The following GRM1 variants were observed in gnomAD, a reference collection of about 807,000 sequenced individuals.
GRM1 encodes glutamate metabotropic receptor 1, also known as metabotropic glutamate receptor 1.
In GRM1, 33 loss-of-function variants were observed where a neutral mutation model predicts 90.9. The ratio of observed to expected loss-of-function variants is 0.36; its 90% confidence interval spans 0.28 to 0.49. The LOEUF (loss-of-function observed/expected upper bound fraction) is 0.49, where lower values mean the gene tolerates loss of function less well. Among genes scored for constraint, GRM1 ranks in the 20% least tolerant of loss-of-function variants. GRM1 has a pLI of 0.99. For missense variants in GRM1, 1,190 were observed against 1,534.3 expected (o/e 0.78, Z 3.75); for synonymous variants, 700 against 613.2 (o/e 1.14, Z -2.09).
At chr6:146,310,814 G>A (rs1195087956) in intron 3 of GRM1, among the ~76,000 whole-genome samples, 1 of 152,124 alleles carries the variant, frequency 6.6e-6, no homozygotes, top group African/African-American at 2.4e-5. Context: ...CCAGTCCCTG[G>A]CCAACCCACC....
chr6:146,177,505 C>G (rs575873289), intron 2 of GRM1, among the ~76,000 whole-genome samples: 7 of 152,044 alleles, frequency 4.6e-5, no homozygotes, highest in Admixed American at 2.0e-4. Flanking sequence ...TTCTTAAATT[C>G]CTGGCATTCA....
chr6:146,406,169 C>T (rs775468637), intron 7 of GRM1, among the ~76,000 whole-genome samples: 4 of 152,004 alleles, frequency 2.6e-5, no homozygotes, highest in African/African-American at 2.4e-5. Context: ...TGGTGTGTGC[C>T]GGGAGGCCTG....
In GRM1 at chr6:146,434,377, G is replaced by C. The variant is rs764076166; in HGVS notation, c.3166G>C (p.Gly1056Arg). 3.7e-6 allele frequency: 6 copies of C among 1,613,174 alleles called. No homozygotes were observed. The highest frequency in any genetic ancestry group is 2.2e-5 in the East Asian group (1 of 44,862). Residue 1056 changes from glycine to arginine, a missense_variant, in exon 8 of 8, where the codon GGT (glycine) becomes CGT (arginine). Physicochemically the swap from Gly to Arg is moderately radical, Grantham distance 125. Transcript: ENST00000282753. ...PDFHAVLAGPGGPGNGLRSLY... is the reference protein window; with the variant it reads ...PDFHAVLAGPRGPGNGLRSLY... ...TTTTCACGCGGTGCTGGCAGGCCCCGGTGGTCCCGGGAACGGGCTGCGGTC... is the reference window on the plus strand; with the variant it reads ...TTTTCACGCGGTGCTGGCAGGCCCCCGTGGTCCCGGGAACGGGCTGCGGTC...
chr6:146,232,344 G>T (rs1189043647), intron 2 of GRM1, among the ~76,000 whole-genome samples: 1 of 151,892 alleles, frequency 6.6e-6, no homozygotes, highest in Non-Finnish European at 1.5e-5. Flanking sequence ...CTTAGTCCAG[G>T]TAGTTTATGT....
chr6:146,358,521 C>T (rs994562491), intron 5 of GRM1, among the ~76,000 whole-genome samples: 2 of 152,144 alleles, frequency 1.3e-5, no homozygotes, highest in Non-Finnish European at 2.9e-5. Flanking sequence ...CAGGCTGTCA[C>T]GTAAATGTCT....
intron 3 of GRM1, among the ~76,000 whole-genome samples, chr6:146,337,806 A>G (rs796930061): frequency 2.6e-5 from 4 of 152,370 alleles, no homozygotes; most frequent in African/African-American, 7.2e-5. Context: ...ATGAGGCCAC[A>G]AACAGGAATA....
intron 7 of GRM1, among the ~76,000 whole-genome samples, chr6:146,402,781 G>A (rs1777205080): frequency 1.3e-5 from 2 of 152,140 alleles, no homozygotes; most frequent in Non-Finnish European, 1.5e-5. Flanking sequence ...ATGTTGCGTT[G>A]TCTGTTTTTA....
chr6:146,137,160 C>A (rs986458639), intron 1 of GRM1, among the ~76,000 whole-genome samples: 2 of 152,060 alleles, frequency 1.3e-5, no homozygotes, highest in Non-Finnish European at 2.9e-5. Context: ...GCCGCAGAAG[C>A]TTTTTAAGTT....
At chr6:146,404,536 G>T (rs1156528032) in intron 7 of GRM1, among the ~76,000 whole-genome samples, 1 of 152,176 alleles carries the variant, frequency 6.6e-6, no homozygotes, top group African/African-American at 2.4e-5. Context: ...AGTAAAAGTA[G>T]CATTTGAACT....
chr6:146,127,442 C>A (rs1776237756), intron 1 of GRM1, among the ~76,000 whole-genome samples: 1 of 152,130 alleles, frequency 6.6e-6, no homozygotes, highest in South Asian at 2.1e-4. Context: ...AGAAAGTAAT[C>A]AGAAAGGCCT....
At chr6:146,168,147 A>G (rs921816007) in intron 2 of GRM1, among the ~76,000 whole-genome samples, 4 of 152,000 alleles carry the variant, frequency 2.6e-5, no homozygotes, top group African/African-American at 9.7e-5. Flanking sequence ...AATTAACTTG[A>G]CATTTTGTTA....
Position 146,029,866 on chromosome 6 carries a change from G to C in GRM1, c.349G>C (p.Glu117Gln). The change falls in exon 1 of 8, where the codon GAA becomes CAA. Residue 117 changes from glutamate (E) to glutamine (Q), a missense_variant. Physicochemically the swap from Glu to Gln is conservative, Grantham distance 29. Transcript: ENST00000282753. ...CTGCTGGCACTCTTCCGTGGCTCTGGAACAGAGCATTGAGTTCATTAGGGA... is the reference window on the plus strand; with the variant it reads ...CTGCTGGCACTCTTCCGTGGCTCTGCAACAGAGCATTGAGTTCATTAGGGA... ...DSCWHSSVAL[E>Q]QSIEFIRDSL... 1 of 1,613,990 alleles carries C rather than the reference G, an allele frequency of 6.2e-7. No individual in the cohort carries two copies. The highest frequency in any genetic ancestry group is 8.5e-7 in the Non-Finnish European group (1 of 1,179,868).
chr6:146,252,341 T>A (rs1407304434), intron 2 of GRM1, among the ~76,000 whole-genome samples: 1 of 152,158 alleles, frequency 6.6e-6, no homozygotes, highest in African/African-American at 2.4e-5. Context: ...AAACTAGGGT[T>A]TTAAGGATAA....
intron 7 of GRM1, among the ~76,000 whole-genome samples, chr6:146,406,879 GAGA>G (rs1049002314): frequency 2.6e-5 from 4 of 151,972 alleles, no homozygotes; most frequent in Non-Finnish European, 4.4e-5. Flanking sequence ...AAAGGAGAAG[GAGA>G]AGAAGAAGAA....
chr6:146,429,653 G>C (rs548857480), intron 7 of GRM1, among the ~76,000 whole-genome samples: 3 of 152,252 alleles, frequency 2.0e-5, no homozygotes, highest in South Asian at 4.1e-4. Context: ...CCCCTTCCTT[G>C]ACAGGCCTCA....
At chr6:146,184,737 A>G (rs905463017) in intron 2 of GRM1, among the ~76,000 whole-genome samples, 3 of 152,116 alleles carry the variant, frequency 2.0e-5, no homozygotes, top group South Asian at 2.1e-4. Context: ...ATATCATCTC[A>G]GGTGTGTGGG....
At chr6:146,249,024 A>G (rs1397637366) in intron 2 of GRM1, among the ~76,000 whole-genome samples, 1 of 152,200 alleles carries the variant, frequency 6.6e-6, no homozygotes, top group East Asian at 1.9e-4. Flanking sequence ...CTAAGCAACA[A>G]AGCATTCAAG....
intron 5 of GRM1, among the ~76,000 whole-genome samples, chr6:146,385,547 C>A (rs1379133920): frequency 1.3e-5 from 2 of 151,818 alleles, no homozygotes; most frequent in East Asian, 1.9e-4. Flanking sequence ...GCTGGCATGG[C>A]TGTAAATGTT....
chr6:146,252,711 T>C (rs969351388), intron 2 of GRM1, among the ~76,000 whole-genome samples: 1 of 152,164 alleles, frequency 6.6e-6, no homozygotes, highest in African/African-American at 2.4e-5. Flanking sequence ...AAAAAACATG[T>C]GCAAAAGCAC....
Sources: gnomAD v4.1 joint callset for allele counts (sites outside exome capture counted in the v4.1 genomes callset) on GRCh38, gnomAD v4.1.1 for gene constraint, MANE v1.5 for transcripts, NCBI Gene and HGNC (gene_info 2026-07-23, HGNC 2026-07-21) for gene names.